Variants in NIBAN1 observed in about 807,000 individuals in gnomAD.
The protein encoded by NIBAN1 is protein Niban 1.
In NIBAN1, 81 loss-of-function variants were observed where a neutral mutation model predicts 75.1. The observed-to-expected ratio is 1.08, with a 90% CI of 0.90 to 1.30. The LOEUF (loss-of-function observed/expected upper bound fraction) is 1.30. NIBAN1 is among the 50% of genes most tolerant of loss of function. The pLI is 0.00. For synonymous variants in NIBAN1, 436 were observed against 424.8 expected, an observed-to-expected ratio of 1.03 and a Z score of -0.32; for missense variants, 1,133 against 1,128.1, an observed-to-expected ratio of 1.00 and a Z score of -0.06.
intron 1 of NIBAN1, among the ~76,000 whole-genome samples, chr1:184,909,417 T>TA (rs1332892164): frequency 2.0e-5 from 3 of 152,206 alleles, no homozygotes; most frequent in South Asian, 2.1e-4. Flanking sequence ...GCCATTAATG[T>TA]AAAAAAACGC....
At chr1:184,907,285 G>T (rs1287178240) in intron 1 of NIBAN1, among the ~76,000 whole-genome samples, 2 of 151,810 alleles carry the variant, frequency 1.3e-5, no homozygotes, top group Non-Finnish European at 2.9e-5. Context: ...GAAACATACA[G>T]AAATAAATAA....
chr1:184,825,673 A>G (rs941604722), intron 6 of NIBAN1, among the ~76,000 whole-genome samples: 2 of 152,136 alleles, frequency 1.3e-5, no homozygotes, highest in Non-Finnish European at 2.9e-5. Context: ...CTACACATCC[A>G]CTCATGCTAC....
chr1:184,795,051 G>C lies in NIBAN1; in HGVS notation c.2713C>G (p.Leu905Val). 1 of 1,613,876 alleles carries C rather than the reference G, an allele frequency of 6.2e-7. No individual in the cohort carries two copies. The highest frequency in any genetic ancestry group is 8.5e-7 in the Non-Finnish European group (1 of 1,180,028). Reference sequence around the variant, plus strand: ...TCCTTCACGTCATCTTTGTGTGACAGCAGGACATCCGGGTTTGGAGCATCC... The same window carrying C: ...TCCTTCACGTCATCTTTGTGTGACACCAGGACATCCGGGTTTGGAGCATCC... The part of the protein sequence containing the change: ...VEDAPNPDVL[L>V]SHKDDVKEGE... Residue 905 changes from leucine to valine, a missense_variant, in exon 14 of 14, where the codon CTG becomes GTG. Physicochemically the swap from Leu to Val is conservative, Grantham distance 32. Transcript: ENST00000367511.
chr1:184,974,500 TCGCCTTCTGGGGCGCCTCCTCCAGGTCCG>T (rs1659025483), exon 1 of NIBAN1: 2 of 1,129,298 alleles, frequency 1.8e-6, no homozygotes, highest in African/African-American at 3.3e-5. Context: ...GCAAGAGGCG[TCGCCTTCTGGGGCGCCTCCTCCAGGTCCG>T]CGCCTTCTGA....
intron 1 of NIBAN1, among the ~76,000 whole-genome samples, chr1:184,914,438 T>A (rs1657328113): frequency 6.6e-6 from 1 of 152,164 alleles, no homozygotes; most frequent in Admixed American, 6.5e-5. Context: ...TAATAGAAAT[T>A]TTGGGGATGA....
At chr1:184,806,145 G>A in intron 10 of NIBAN1, 89 bp from the exon 11 acceptor site, 1 of 1,005,220 alleles carries the variant, frequency 9.9e-7, no homozygotes, top group Non-Finnish European at 1.5e-6. Context: ...TGCAGAGTAG[G>A]GGCCATCAGA....
intron 12 of NIBAN1, among the ~76,000 whole-genome samples, chr1:184,799,663 A>T (rs984921918): frequency 1.2e-4 from 15 of 127,860 alleles, no homozygotes; most frequent in East Asian, 2.5e-4. Flanking sequence ...CCACCAACAA[A>T]GTAAAAGTGT....
At chr1:184,908,535 C>T (rs1387344844) in intron 1 of NIBAN1, among the ~76,000 whole-genome samples, 1 of 152,158 alleles carries the variant, frequency 6.6e-6, no homozygotes. Context: ...CCAGAGGACA[C>T]CTTTCTAGAA....
At chr1:184,881,499 G>T (rs1037471682) in intron 5 of NIBAN1, among the ~76,000 whole-genome samples, 1 of 152,264 alleles carries the variant, frequency 6.6e-6, no homozygotes, top group East Asian at 1.9e-4. Flanking sequence ...TTACAGGAAA[G>T]GGGTCCCGAT....
At chr1:184,800,180 C>T (rs61823916) in intron 12 of NIBAN1, among the ~76,000 whole-genome samples, 160 of 151,528 alleles carry the variant, frequency 1.1e-3, no homozygotes, top group Admixed American at 1.6e-3. Flanking sequence ...GAAGTGTCTG[C>T]TCATGTCCTT....
At chr1:184,918,720 A>C (rs1205852870) in intron 1 of NIBAN1, among the ~76,000 whole-genome samples, 1 of 152,118 alleles carries the variant, frequency 6.6e-6, no homozygotes, top group Non-Finnish European at 1.5e-5. Flanking sequence ...CTTTTACCTG[A>C]ACCCCCATTT....
chr1:184,799,472 T>C (rs1372039863), intron 12 of NIBAN1, among the ~76,000 whole-genome samples: 1 of 150,258 alleles, frequency 6.7e-6, no homozygotes, highest in African/African-American at 2.4e-5. Flanking sequence ...TTCCAAGACT[T>C]TGCTATTGTG....
chr1:184,966,601 T>C (rs1379875729), intron 1 of NIBAN1, among the ~76,000 whole-genome samples: 1 of 152,218 alleles, frequency 6.6e-6, no homozygotes, highest in African/African-American at 2.4e-5. Context: ...CAAAGAGGTC[T>C]AGAACTGGGA....
At chr1:184,798,366 C>A (rs925055146) in intron 12 of NIBAN1, among the ~76,000 whole-genome samples, 176 bp from the exon 13 acceptor site, 8 of 152,230 alleles carry the variant, frequency 5.3e-5, no homozygotes, top group African/African-American at 1.9e-4. Context: ...GGGTTCCCTT[C>A]AATTCAATTC....
intron 1 of NIBAN1, among the ~76,000 whole-genome samples, chr1:184,918,295 A>G (rs1657445591): frequency 6.6e-6 from 1 of 152,234 alleles, no homozygotes; most frequent in African/African-American, 2.4e-5. Context: ...TCTTACAAAA[A>G]TAATGACTGC....
chr1:184,808,936 CA>C (rs1366315010), intron 9 of NIBAN1, among the ~76,000 whole-genome samples: 1 of 152,180 alleles, frequency 6.6e-6, no homozygotes, highest in Non-Finnish European at 1.5e-5. Context: ...GTTGTTGCAA[CA>C]GAATGCATTC....
At chr1:184,804,270 A>G (rs1654127375) in intron 11 of NIBAN1, among the ~76,000 whole-genome samples, 1 of 152,276 alleles carries the variant, frequency 6.6e-6, no homozygotes, top group Admixed American at 6.5e-5. Flanking sequence ...ATAAGAGTAT[A>G]GTCATAGGCA....
intron 9 of NIBAN1, among the ~76,000 whole-genome samples, chr1:184,812,117 T>C (rs2102204016): frequency 6.6e-6 from 1 of 152,280 alleles, no homozygotes; most frequent in East Asian, 1.9e-4. Flanking sequence ...CTCTTCACCT[T>C]ATGCACCCTC....
intron 5 of NIBAN1, among the ~76,000 whole-genome samples, chr1:184,856,188 A>G (rs1387590464): frequency 1.3e-5 from 2 of 152,198 alleles, no homozygotes; most frequent in African/African-American, 2.4e-5. Flanking sequence ...ATTAAATATC[A>G]AATCTATTTT....
Sources: gnomAD v4.1 joint callset for allele counts (sites outside exome capture counted in the v4.1 genomes callset) on GRCh38, gnomAD v4.1.1 for gene constraint, MANE v1.5 for transcripts, NCBI Gene and HGNC (gene_info 2026-07-23, HGNC 2026-07-21) for gene names.